CHST15: variants seen among roughly 807,000 people sequenced by gnomAD.
CHST15 encodes B cell RAG associated protein (GALNAC4S-6ST).
A neutral mutation model predicts 53.6 loss-of-function variants in CHST15; 30 were observed. The ratio of observed to expected loss-of-function variants is 0.56; its 90% CI spans 0.42 to 0.76. The LOEUF (loss-of-function observed/expected upper bound fraction) is 0.76, where lower values mean the gene tolerates loss of function less well. Ranked by LOEUF, CHST15 falls within the 30% of genes least tolerant of loss-of-function variation. The pLI, the probability that CHST15 is intolerant of heterozygous loss-of-function variation, is 0.00. For missense variants in CHST15, 627 were observed against 740.5 expected (o/e 0.85, Z 1.78); for synonymous variants, 296 against 289.8 (o/e 1.02, Z -0.22).
Position 124,064,589 on chromosome 10 carries a change from C to T in CHST15, c.-512-17865G>A, listed in dbSNP as rs545181340. ...TTGGGCAGGTCCCCCAAGCCCTGAG[C>T]CCCTCTTCGTTGCTGGGCTGTACCT... is the stretch of plus-strand genomic sequence containing the variant. On this transcript the variant is annotated intron_variant, in intron 1 of 7. Transcript: ENST00000435907. Among the ~76,000 whole-genome samples, 209 of 152,268 alleles carry T rather than the reference C, an allele frequency of 1.4e-3. 1 individual carries two copies. Among genetic ancestry groups the T allele is most frequent in the Middle Eastern group, 6.8e-3 (2 of 294 alleles).
At chr10:124,089,678 G>T (rs1949544599) in intron 1 of CHST15, among the ~76,000 whole-genome samples, 1 of 151,978 alleles carries the variant, frequency 6.6e-6, no homozygotes, top group Non-Finnish European at 1.5e-5. Flanking sequence ...ACCTGAAAAG[G>T]AGACTCCTCA....
At chr10:124,035,182 C>CCCGG (rs1184975883) in intron 5 of CHST15, among the ~76,000 whole-genome samples, 4 of 144,250 alleles carry the variant, frequency 2.8e-5, no homozygotes, top group Admixed American at 6.8e-5. Flanking sequence ...TAACGGGGAC[C>CCCGG]CTGGTTCCAC....
chr10:124,020,185 C>T, intron 6 of CHST15: 1 of 985,528 alleles, frequency 1.0e-6, no homozygotes, highest in Non-Finnish European at 1.2e-6. Context: ...CAAGACAGAC[C>T]CATCACAACA....
chr10:124,082,390 G>A (rs988880302), intron 1 of CHST15, among the ~76,000 whole-genome samples: 15 of 152,288 alleles, frequency 9.8e-5, no homozygotes, highest in Admixed American at 3.9e-4. Context: ...GCTGAACCAC[G>A]TTCGCCCGAA....
intron 5 of CHST15, 62 bp downstream of exon 5, chr10:124,038,453 G>C: frequency 1.3e-6 from 2 of 1,566,522 alleles, no homozygotes; most frequent in Non-Finnish European, 1.8e-6. Context: ...TCATGAGAGG[G>C]GAACACTGTT....
chr10:124,031,070 G>A (rs997728396), intron 5 of CHST15, among the ~76,000 whole-genome samples: 1 of 152,232 alleles, frequency 6.6e-6, no homozygotes, highest in Admixed American at 6.5e-5. Flanking sequence ...AGCCTCAGCT[G>A]AAGAGACCAC....
At chr10:124,070,031 C>G (rs28638184) in intron 1 of CHST15, among the ~76,000 whole-genome samples, 40,394 of 152,138 alleles carry the variant, frequency 0.27, 6,173 homozygotes, top group South Asian at 0.38. Context: ...CCCCCCAGCA[C>G]GTTGTCAGGA....
chr10:124,085,629 C>T (rs569093587), intron 1 of CHST15, among the ~76,000 whole-genome samples: 109 of 152,266 alleles, frequency 7.2e-4, no homozygotes, highest in African/African-American at 2.5e-3. Flanking sequence ...TACCGTGAGC[C>T]CCAGACACCC....
At position 124,024,827 on chromosome 10, in the gene CHST15, T is replaced by G. The variant is rs889390588; in HGVS notation, c.1191-3415A>C. ...GCCAGGTGGCAATTGGTCTGAGGGG[T>G]ACCCTTCCTGGCTCACACATTTCCT... On this transcript the variant is annotated intron_variant, in intron 5 of 7. Coordinates refer to ENST00000435907, the MANE Select transcript of CHST15 (RefSeq NM_001270764.2). The surrounding 1 kb of genome is among the most constrained non-coding windows in gnomAD (Gnocchi z 4.0). 3.3e-5 allele frequency among the ~76,000 whole-genome samples: 5 copies of G among 152,130 alleles called. No individual in the cohort carries two copies. Among genetic ancestry groups the G allele is most frequent in the Non-Finnish European group, 5.9e-5 (4 of 68,018 alleles).
intron 5 of CHST15, among the ~76,000 whole-genome samples, chr10:124,037,704 C>T (rs2133958362): frequency 6.6e-6 from 1 of 152,344 alleles, no homozygotes; most frequent in East Asian, 1.9e-4. Flanking sequence ...CTACCCTGGC[C>T]TCACCCACAC....
At chr10:124,068,721 T>G (rs1948824054) in intron 1 of CHST15, among the ~76,000 whole-genome samples, 1 of 152,216 alleles carries the variant, frequency 6.6e-6, no homozygotes, top group African/African-American at 2.4e-5. Flanking sequence ...ATGCTCTTAT[T>G]AAAAATTCTG....
intron 1 of CHST15, among the ~76,000 whole-genome samples, chr10:124,088,639 G>A (rs535507106): frequency 6.6e-5 from 10 of 152,218 alleles, no homozygotes; most frequent in Non-Finnish European, 1.2e-4. Context: ...TGAGAGCTTG[G>A]TGTGTGTCAT....
rs760179080 is a variant in CHST15 at position 124,046,114 on chromosome 10, C to T, written c.99G>A (p.Ala33=). 32 of 1,614,090 alleles carry T rather than the reference C, an allele frequency of 2.0e-5. No homozygotes were observed. The highest frequency in any genetic ancestry group is 5.5e-5 in the South Asian group (5 of 91,090). The change falls in exon 2 of 8, where the codon GCG becomes GCA. Residue 33 remains alanine (A), a synonymous_variant. Coordinates refer to ENST00000435907, the MANE Select transcript of CHST15 (RefSeq NM_001270764.2). The stretch of plus-strand genomic sequence containing the variant: ...TGTTTTCTCCTTTGCACGTGGGGCA[C>T]GCCTGGTGACCGTGATGGGGGCCCC... ...CQGGPHHGHQ[A]CPTCKGENKI...
At chr10:124,092,153 C>T (rs1168193326) in intron 1 of CHST15, among the ~76,000 whole-genome samples, 2 of 152,234 alleles carry the variant, frequency 1.3e-5, no homozygotes, top group African/African-American at 2.4e-5. Context: ...AATTGCGCCA[C>T]AGCCCGCCAC....
rs974304996 is a variant in CHST15 at position 124,046,288 on chromosome 10, C to T, written c.-76G>A. 51 of 1,419,172 alleles carry T rather than the reference C, an allele frequency of 3.6e-5. No individual in the cohort carries two copies. Among genetic ancestry groups the T allele is most frequent in the African/African-American group, 2.2e-4 (15 of 69,508 alleles). The allele number at this position is 1,419,172 out of a possible 1,614,324, so 87.9% of individuals were successfully genotyped here. ...CCCACGAGTCTGGATGTCCGCAAGTCGTGCTAGAAAACCTTAAGAATGCCT... is the reference window on the plus strand; with the variant it reads ...CCCACGAGTCTGGATGTCCGCAAGTTGTGCTAGAAAACCTTAAGAATGCCT... On this transcript the variant is annotated 5_prime_UTR_variant, in exon 2 of 8. Transcript: ENST00000435907.
chr10:124,041,290 G>A (rs1302127866), intron 4 of CHST15, among the ~76,000 whole-genome samples: 1 of 152,122 alleles, frequency 6.6e-6, no homozygotes, highest in African/African-American at 2.4e-5. Flanking sequence ...ACAGATCTAG[G>A]AAAATTAAAA....
In CHST15 at chr10:124,038,343, C is replaced by T. The variant is rs571819310; in HGVS notation, c.1190+172G>A. Among the ~76,000 whole-genome samples, 28 of 152,152 alleles carry T rather than the reference C, an allele frequency of 1.8e-4. No individual in the cohort carries two copies. The East Asian group carries it at 2.1e-3, about 12-fold the overall frequency. On this transcript the variant is annotated intron_variant, in intron 5 of 7. Transcript: ENST00000435907. ...CTGGTCTTGAACTCCTGACCTCAGG[C>T]GATCCACCCACCCCGGCCTCCCAAA...
At chr10:124,091,087 C>T (rs953657966) in intron 1 of CHST15, among the ~76,000 whole-genome samples, 2 of 152,216 alleles carry the variant, frequency 1.3e-5, no homozygotes, top group African/African-American at 2.4e-5. Flanking sequence ...TCTGTGTGCC[C>T]ATCTAGGAGG....
At chr10:124,034,831 GGGGACCCTGGTTCTACCCCTAACA>G (rs1947386373) in intron 5 of CHST15, among the ~76,000 whole-genome samples, 1 of 129,894 alleles carries the variant, frequency 7.7e-6, no homozygotes. Context: ...GCCCCCTAAC[GGGGACCCTGGTTCTACCCCTAACA>G]GGGACCCTGG....
Sources: allele counts gnomAD v4.1 joint callset (sites outside exome capture counted in the v4.1 genomes callset), GRCh38; gene constraint gnomAD v4.1.1; non-coding constraint Gnocchi (gnomAD v3.1); transcripts MANE v1.5; gene names NCBI Gene and HGNC (gene_info 2026-07-23, HGNC 2026-07-21).